The following TRPC6 variants were observed in gnomAD, a reference collection of about 807,000 sequenced individuals.
TRPC6 encodes transient receptor potential cation channel subfamily C member 6.
TRPC6 carries 55 observed loss-of-function variants against 90.7 expected under a neutral mutation model. That is an observed-to-expected ratio of 0.61 (90% CI 0.49 to 0.76). The LOEUF is 0.76. TRPC6 is among the 30% of genes least tolerant of loss of function. The pLI is 0.00. For synonymous variants in TRPC6, 393 were observed against 393.0 expected, an observed-to-expected ratio of 1.00 and a Z score of 0.00; for missense variants, 989 against 1,122.7, an observed-to-expected ratio of 0.88 and a Z score of 1.70.
intron 1 of TRPC6, among the ~76,000 whole-genome samples, chr11:101,577,285 C>T (rs573920837): frequency 6.6e-6 from 1 of 151,750 alleles, no homozygotes; most frequent in South Asian, 2.1e-4. Flanking sequence ...CACATGTTCT[C>T]TTTTATTGAT....
chr11:101,576,409 C>G (rs951086677), intron 1 of TRPC6, among the ~76,000 whole-genome samples: 1 of 152,174 alleles, frequency 6.6e-6, no homozygotes, highest in African/African-American at 2.4e-5. Flanking sequence ...ATGCTGCAAT[C>G]ATATAGGTTG....
At chr11:101,463,739 T>A (rs1476126303) in intron 10 of TRPC6, among the ~76,000 whole-genome samples, 2 of 152,188 alleles carry the variant, frequency 1.3e-5, no homozygotes, top group African/African-American at 4.8e-5. Context: ...ATTTTGTTGA[T>A]CCTTTCAAAA....
chr11:101,486,403 T>C (rs1282643346), intron 4 of TRPC6, among the ~76,000 whole-genome samples: 3 of 152,120 alleles, frequency 2.0e-5, no homozygotes, highest in Non-Finnish European at 2.9e-5. Flanking sequence ...GGGTAAGCAT[T>C]GAAATAAATA....
At chr11:101,462,928 T>C (rs563505982) in intron 10 of TRPC6, among the ~76,000 whole-genome samples, 118 of 152,320 alleles carry the variant, frequency 7.7e-4, no homozygotes, top group African/African-American at 2.7e-3. Context: ...CCATTCAGTA[T>C]GATATTGGCT....
chr11:101,569,488 G>A (rs1201427072), intron 1 of TRPC6, among the ~76,000 whole-genome samples: 3 of 152,122 alleles, frequency 2.0e-5, no homozygotes, highest in Non-Finnish European at 2.9e-5. Flanking sequence ...GGATATCCAG[G>A]ACTTGAACTC....
intron 1 of TRPC6, among the ~76,000 whole-genome samples, chr11:101,514,522 A>AC (rs1860472709): frequency 6.6e-6 from 1 of 152,126 alleles, no homozygotes; most frequent in Admixed American, 6.6e-5. Flanking sequence ...AAACCCTGAA[A>AC]CATGTTTATT....
chr11:101,517,851 T>C (rs1860557786), intron 1 of TRPC6, among the ~76,000 whole-genome samples: 1 of 152,198 alleles, frequency 6.6e-6, no homozygotes, highest in Non-Finnish European at 1.5e-5. Flanking sequence ...TAAAAACAAA[T>C]GTTATTGAAA....
intron 1 of TRPC6, among the ~76,000 whole-genome samples, chr11:101,527,717 T>G (rs1301837222): frequency 6.6e-6 from 1 of 152,230 alleles, no homozygotes; most frequent in Admixed American, 6.5e-5. Flanking sequence ...TTGATTTTTT[T>G]TCCTATAGTT....
At chr11:101,512,854 TA>T (rs1167499180) in intron 1 of TRPC6, among the ~76,000 whole-genome samples, 1 of 152,002 alleles carries the variant, frequency 6.6e-6, no homozygotes, top group Non-Finnish European at 1.5e-5. Flanking sequence ...ATGACTGCCA[TA>T]ATCATGTGTA....
intron 5 of TRPC6, among the ~76,000 whole-genome samples, chr11:101,482,673 C>T (rs897803493): frequency 6.6e-6 from 1 of 152,124 alleles, no homozygotes; most frequent in Non-Finnish European, 1.5e-5. Flanking sequence ...AGTATAATAG[C>T]TTTTTGTCAC....
chr11:101,469,615 T>C (rs1859239346), intron 9 of TRPC6, 114 bp from the exon 10 acceptor site: 4 of 622,330 alleles, frequency 6.4e-6, no homozygotes, highest in Non-Finnish European at 8.7e-6. Flanking sequence ...GAGAGAAACA[T>C]ATTCTTACGG....
chr11:101,535,963 T>C (rs1294072969), intron 1 of TRPC6, among the ~76,000 whole-genome samples: 1 of 152,198 alleles, frequency 6.6e-6, no homozygotes, highest in Non-Finnish European at 1.5e-5. Context: ...AGTAATTCCC[T>C]CATCCATTCA....
chr11:101,577,605 A>G (rs541786466), intron 1 of TRPC6, among the ~76,000 whole-genome samples: 1 of 152,278 alleles, frequency 6.6e-6, no homozygotes, highest in South Asian at 2.1e-4. Context: ...CTGGGCTAGG[A>G]CAAAGGACTA....
chr11:101,469,690 A>G (rs1414444162), intron 9 of TRPC6, among the ~76,000 whole-genome samples, 189 bp from the exon 10 acceptor site: 2 of 152,204 alleles, frequency 1.3e-5, no homozygotes, highest in African/African-American at 4.8e-5. Context: ...CTCAGGTTGC[A>G]GTTCTAACCA....
Position 101,498,015 on chromosome 11 carries a change from G to T in TRPC6, c.945+6009C>A, listed in dbSNP as rs555072037. On this transcript the variant is annotated intron_variant, in intron 2 of 12. Coordinates refer to ENST00000344327, the MANE Select transcript of TRPC6 (RefSeq NM_004621.6). ...GACATAAGTCCTGGGCACATATTGAGAACTAAAATGAAATTAAGAATGCTG... is the reference window on the plus strand; with the variant it reads ...GACATAAGTCCTGGGCACATATTGATAACTAAAATGAAATTAAGAATGCTG... Among the ~76,000 whole-genome samples, 5 of 152,268 alleles carry T rather than the reference G, an allele frequency of 3.3e-5. No individual in the cohort carries two copies. The South Asian group carries it at 1.0e-3, about 32-fold the overall frequency.
At chr11:101,471,607 T>C (rs1859293581) in intron 8 of TRPC6, among the ~76,000 whole-genome samples, 2 of 152,168 alleles carry the variant, frequency 1.3e-5, no homozygotes, top group African/African-American at 4.8e-5. Context: ...ATCTCCAAGT[T>C]CCCATGTGTT....
intron 6 of TRPC6, among the ~76,000 whole-genome samples, chr11:101,474,204 G>A (rs563296673): frequency 6.6e-6 from 1 of 152,272 alleles, no homozygotes; most frequent in South Asian, 2.1e-4. Context: ...GCAAGTGCCT[G>A]GCACTTAATA....
intron 2 of TRPC6, among the ~76,000 whole-genome samples, chr11:101,500,134 G>A (rs1407266157): frequency 6.1e-5 from 9 of 147,380 alleles, no homozygotes; most frequent in African/African-American, 1.5e-4. Flanking sequence ...AACATGATGA[G>A]TACCACTAAA....
At chr11:101,526,262 C>T (rs1187706895) in intron 1 of TRPC6, among the ~76,000 whole-genome samples, 2 of 152,116 alleles carry the variant, frequency 1.3e-5, no homozygotes, top group African/African-American at 4.8e-5. Flanking sequence ...AGAGAGAAGA[C>T]CACTGTTATT....
Sources: allele counts gnomAD v4.1 joint callset (sites outside exome capture counted in the v4.1 genomes callset), GRCh38; gene constraint gnomAD v4.1.1; transcripts MANE v1.5; gene names NCBI Gene and HGNC (gene_info 2026-07-23, HGNC 2026-07-21).